The following PRKDC variants were observed in gnomAD, a reference collection of about 807,000 sequenced individuals.
PRKDC encodes the protein protein kinase, DNA-activated, catalytic subunit.
In PRKDC, 82 loss-of-function variants were observed where a neutral mutation model predicts 486.9. The observed-to-expected ratio is 0.17, with a 90% CI of 0.14 to 0.20. The LOEUF (loss-of-function observed/expected upper bound fraction) is 0.20, where lower values mean the gene tolerates loss of function less well. Among genes scored for constraint, PRKDC ranks in the 10% least tolerant of loss-of-function variants. The pLI is 1.00. For missense variants in PRKDC, 4,504 were observed against 5,038.2 expected, an observed-to-expected ratio of 0.89 and a Z score of 3.21; for synonymous variants, 1,895 against 1,837.0, an observed-to-expected ratio of 1.03 and a Z score of -0.81.
rs1317859761 is a variant in PRKDC, at chr8:47,954,460, A to G, written c.400-14T>C. 1.0e-5 allele frequency: 11 copies of G among 1,091,668 alleles called. No individual in the cohort carries two copies. Among genetic ancestry groups the G allele is most frequent in the Non-Finnish European group, 1.3e-6 (1 of 776,100 alleles). The allele number at this position is 1,091,668 out of a possible 1,614,324, so 67.6% of individuals were successfully genotyped here. On this transcript the variant is annotated splice_polypyrimidine_tract_variant and intron_variant, in intron 4 of 85. Transcript: ENST00000314191. Reference sequence around the variant, plus strand: ...AGTCTGAAGTAACTAAAAGAATACAAATTAGTACATCAATGTAGTGCGGGA... The same window carrying G: ...AGTCTGAAGTAACTAAAAGAATACAGATTAGTACATCAATGTAGTGCGGGA...
intron 24 of PRKDC, among the ~76,000 whole-genome samples, chr8:47,913,160 A>C (rs936716754): frequency 6.6e-6 from 1 of 152,052 alleles, no homozygotes; most frequent in African/African-American, 2.4e-5. Context: ...ACATGTACTG[A>C]AAAACCAAAA....
At position 47,936,353 on chromosome 8, in the gene PRKDC, T is replaced by C. The variant is rs766906285; in HGVS notation, c.1278A>G (p.Thr426=). The C allele has an allele frequency of 2.5e-6, 4 of 1,603,044 alleles. No individual in the cohort carries two copies. The highest frequency in any genetic ancestry group is 1.1e-5 in the South Asian group (1 of 89,344). ...SVASVLLYLD[T]VPEVYTPVLE... ...ATTGTGCTCAGTTTAGTTCACTTAC[T>C]GTGTCAAGGTACAGCAAGACGCTTG... Residue 426 remains threonine, a splice_region_variant and synonymous_variant, in exon 12 of 86, where the codon ACA becomes ACG. Transcript: ENST00000314191.
At position 47,918,262 on chromosome 8, in the gene PRKDC, C is replaced by A. The variant is rs766854063; in HGVS notation, c.2526+15G>T. On this transcript the variant is annotated intron_variant, in intron 22 of 85. Coordinates refer to ENST00000314191, the MANE Select transcript of PRKDC (RefSeq NM_006904.7). ...TGCATTATGTAAGGTACAGAAAATA[C>A]AAAGGACTTCTTACTGATGAAAGGT... The A allele has an allele frequency of 1.3e-6, 2 of 1,516,352 alleles. No homozygotes were observed. The highest frequency in any genetic ancestry group is 1.2e-5 in the South Asian group (1 of 80,064). 93.9% of individuals were successfully genotyped at this position (1,516,352 alleles called of 1,614,324 possible).
rs79687127 is a variant in PRKDC at position 47,795,488 on chromosome 8, CT to C, written c.10459-988del. 9.2e-3 allele frequency among the ~76,000 whole-genome samples: 1,252 copies of C among 135,638 alleles called. 7 individuals carry two copies. Among genetic ancestry groups the C allele is most frequent in the African/African-American group, 0.019 (683 of 36,774 alleles). The allele number at this position is 135,638 out of a possible 152,430, so 89.0% of individuals were successfully genotyped here. A position where few individuals can be genotyped will look rare whatever the true frequency, so the allele number is the denominator to read the frequency against. On this transcript the variant is annotated intron_variant, in intron 73 of 85. Transcript: ENST00000314191. Reference sequence around the variant, plus strand: ...ACAGGCGTGAGCCACCGCACCCGGCCTTTTTTTTTTTTTTTTTCTTTTGAGA... The same window carrying C: ...ACAGGCGTGAGCCACCGCACCCGGCCTTTTTTTTTTTTTTTTCTTTTGAGA...
intron 21 of PRKDC, among the ~76,000 whole-genome samples, chr8:47,923,568 A>C (rs1313357046): frequency 2.0e-5 from 3 of 152,238 alleles, no homozygotes; most frequent in African/African-American, 7.2e-5. Context: ...TGGGCAAAGA[A>C]GGGCTCTACC....
Position 47,813,575 on chromosome 8 carries a change from AT to A in PRKDC, c.9557+3874del, listed in dbSNP as rs200318055. Among the ~76,000 whole-genome samples the A allele has an allele frequency of 3.0e-3, 437 of 147,672 alleles. 2 individuals are homozygous for A. The highest frequency in any genetic ancestry group is 1.0e-2 in the African/African-American group (402 of 40,398). On this transcript the variant is annotated intron_variant, in intron 68 of 85. Transcript: ENST00000314191. ...TATGAAATAATGAGGATCTTATATA[AT>A]TTTTTTTTTTCCTTTGGAGACGGAG...
At chr8:47,837,610 T>C (rs2088056020) in intron 56 of PRKDC, among the ~76,000 whole-genome samples, 191 bp from the exon 57 acceptor site, 1 of 152,018 alleles carries the variant, frequency 6.6e-6, no homozygotes, top group South Asian at 2.1e-4. Context: ...GAAGAGAATA[T>C]TACAAAAAAT....
chr8:47,847,969 T>C (rs2088310813), intron 54 of PRKDC, among the ~76,000 whole-genome samples: 1 of 151,838 alleles, frequency 6.6e-6, no homozygotes, highest in Non-Finnish European at 1.5e-5. Context: ...ATGGTTTTCT[T>C]AAAAAGTTAA....
chr8:47,900,394 G>A lies in PRKDC; in HGVS notation c.3343C>T (p.His1115Tyr). 1 of 1,610,316 alleles carries A rather than the reference G, an allele frequency of 6.2e-7. No homozygotes were observed. The highest frequency in any genetic ancestry group is 8.5e-7 in the Non-Finnish European group (1 of 1,178,492). ...VIYMESLALAHADEKSLGTIQ... is the reference protein window; with the variant it reads ...VIYMESLALAYADEKSLGTIQ... ...GTACCTAAGGACTTCTCATCTGCAT[G>A]TGCTAAGGCCAGACTCTCCATGTAT... Residue 1115 changes from histidine (H) to tyrosine (Y), a missense_variant, in exon 28 of 86, where the codon CAT becomes TAT. His to Tyr is a moderately conservative substitution (Grantham distance 83, BLOSUM62 2). Coordinates refer to ENST00000314191, the MANE Select transcript of PRKDC (RefSeq NM_006904.7).
At chr8:47,946,944 C>T (rs2090542957) in intron 7 of PRKDC, among the ~76,000 whole-genome samples, 1 of 152,314 alleles carries the variant, frequency 6.6e-6, no homozygotes, top group South Asian at 2.1e-4. Context: ...TGTGAAACAT[C>T]TCTTGGCCCA....
intron 69 of PRKDC, chr8:47,805,067 A>T (rs2087192199): frequency 6.9e-6 from 1 of 144,424 alleles, no homozygotes. Context: ...CGGCCTCAAC[A>T]TTTTTTTTTT....
At position 47,777,718 on chromosome 8, in the gene PRKDC, C is replaced by T. The variant is rs2086629521; in HGVS notation, c.12010G>A (p.Val4004Met). Residue 4004 changes from valine (V) to methionine (M), a missense_variant, in exon 84 of 86, where the codon GTG (valine) becomes ATG (methionine). Around this residue, in one of 6 missense-constraint regions of PRKDC, gnomAD observed 706 missense variants for 945.0 expected, o/e 0.75. Transcript: ENST00000314191. ...TCAAAGGAGGGCTCCTTGACAAACACATCCATGGTGTTGGTGAGCAGGCCA... is the reference window on the plus strand; with the variant it reads ...TCAAAGGAGGGCTCCTTGACAAACATATCCATGGTGTTGGTGAGCAGGCCA... ...DPGLLTNTMD[V>M]FVKEPSFDWK... The T allele has an allele frequency of 1.2e-6, 2 of 1,604,708 alleles. No homozygotes were observed. The highest frequency in any genetic ancestry group is 2.2e-5 in the East Asian group (1 of 44,676).
intron 45 of PRKDC, 96 bp downstream of exon 45, chr8:47,860,803 T>TA: frequency 1.1e-6 from 1 of 920,438 alleles, no homozygotes; most frequent in Non-Finnish European, 1.6e-6. Context: ...TCTATTTACA[T>TA]AAAAAATACT....
chr8:47,834,447 G>C (rs956306423), intron 58 of PRKDC, 51 bp from the exon 59 acceptor site: 3 of 1,586,340 alleles, frequency 1.9e-6, no homozygotes, highest in Non-Finnish European at 2.6e-6. Context: ...CCAGCTCTGT[G>C]CACGGGGCAG....
At chr8:47,826,918 CA>C in intron 62 of PRKDC, 57 bp from the exon 63 acceptor site, 1 of 1,468,080 alleles carries the variant, frequency 6.8e-7, no homozygotes, top group Non-Finnish European at 9.2e-7. Context: ...ACCATGTCTT[CA>C]CAAGGAGTAA....
intron 66 of PRKDC, among the ~76,000 whole-genome samples, 159 bp from the exon 67 acceptor site, chr8:47,819,669 TAACA>T (rs1168494392): frequency 6.6e-6 from 1 of 152,142 alleles, no homozygotes; most frequent in Non-Finnish European, 1.5e-5. Flanking sequence ...CACAGACAGT[TAACA>T]AATAGTTTAA....
chr8:47,817,160 G>A (rs769007193), intron 68 of PRKDC, among the ~76,000 whole-genome samples: 51 of 152,254 alleles, frequency 3.3e-4, no homozygotes, highest in Middle Eastern at 3.4e-3. Flanking sequence ...TTAACATTCC[G>A]TTGTGAGAGA....
chr8:47,777,954 C>CA, intron 83 of PRKDC, 80 bp from the exon 84 acceptor site: 3 of 1,274,848 alleles, frequency 2.4e-6, no homozygotes, highest in Non-Finnish European at 3.3e-6. Context: ...AGCATCCTCA[C>CA]ATAGTTACTG....
At position 47,782,016 on chromosome 8, in the gene PRKDC, G is replaced by A. The variant is rs1305533939; in HGVS notation, c.11489+146C>T. On this transcript the variant is annotated intron_variant, in intron 80 of 85. Transcript: ENST00000314191. This position sits in a 1 kb window ranked among gnomAD's most constrained non-coding sequence, Gnocchi z 4.9. The stretch of plus-strand genomic sequence containing the variant: ...ATCTGCAACTACTGGTTAGCAGCCA[G>A]CACTCCATTTGGTTTATTGACCCAG... 1 of 623,436 alleles carries A rather than the reference G, an allele frequency of 1.6e-6. No individual in the cohort carries two copies. The highest frequency in any genetic ancestry group is 2.8e-6 in the Non-Finnish European group (1 of 352,468). 38.6% of individuals were successfully genotyped at this position (623,436 alleles called of 1,614,324 possible).
Sources: gnomAD v4.1 joint callset for allele counts (sites outside exome capture counted in the v4.1 genomes callset) on GRCh38, gnomAD v4.1.1 for gene constraint, gnomAD v4.1.1 regional missense constraint, Gnocchi (gnomAD v3.1) non-coding constraint, MANE v1.5 for transcripts, NCBI Gene and HGNC (gene_info 2026-07-23, HGNC 2026-07-21) for gene names.